Variants in RNF20 observed in about 807,000 individuals in gnomAD.
The protein encoded by RNF20 is E3 ubiquitin-protein ligase BRE1A.
RNF20 carries 84 observed loss-of-function variants against 126.2 expected under a neutral mutation model. That is an observed-to-expected ratio of 0.67 (90% CI 0.56 to 0.80). The LOEUF (loss-of-function observed/expected upper bound fraction) is 0.80, where lower values mean the gene tolerates loss of function less well. Among genes scored for constraint, RNF20 ranks in the 30% least tolerant of loss-of-function variants. RNF20 has a pLI of 0.00. For missense variants in RNF20, 869 were observed against 1,188.2 expected, an observed-to-expected ratio of 0.73 and a Z score of 3.95; for synonymous variants, 400 against 414.3, an observed-to-expected ratio of 0.97 and a Z score of 0.42.
intron 9 of RNF20, among the ~76,000 whole-genome samples, chr9:101,548,432 G>T (rs975193269): frequency 1.6e-4 from 25 of 152,148 alleles, no homozygotes; most frequent in African/African-American, 6.0e-4. Flanking sequence ...GCTGTATTGT[G>T]TACTTGAAAT....
intron 2 of RNF20, among the ~76,000 whole-genome samples, chr9:101,537,523 TG>T (rs146123852): frequency 0.05 from 7,633 of 152,258 alleles, 260 homozygotes; most frequent in South Asian, 0.089. Flanking sequence ...GCTGTATATT[TG>T]GGAATCGTCA....
At chr9:101,536,773 C>A (rs185554920) in intron 2 of RNF20, among the ~76,000 whole-genome samples, 19 of 152,158 alleles carry the variant, frequency 1.2e-4, no homozygotes, top group Non-Finnish European at 2.4e-4. Context: ...TAGCACACAC[C>A]CCAGTGTGGA....
At position 101,550,811 on chromosome 9, in the gene RNF20, A is replaced by G. The variant is rs777336253; in HGVS notation, c.1272+26A>G. On this transcript the variant is annotated intron_variant, in intron 10 of 19. Coordinates refer to ENST00000389120, the MANE Select transcript of RNF20 (RefSeq NM_019592.7). ...GTAATAGCCTTGCCTTGTCTTTTGT[A>G]TGTAAGCTTTCTTGCCTCCTAAATT... The G allele has an allele frequency of 7.5e-6, 12 of 1,608,030 alleles. No individual in the cohort carries two copies. In the South Asian group the frequency reaches 7.7e-5, roughly 10 times the overall value.
Position 101,551,706 on chromosome 9 carries a change from A to C in RNF20, c.1295A>C (p.Lys432Thr). 6.2e-7 allele frequency: 1 copy of C among 1,610,456 alleles called. No individual in the cohort carries two copies. ...LIERDEVSLH[K>T]KLRTEVIQLE... ...TAGCGAGATGAGGTTAGTCTTCATA[A>C]GAAGCTGAGGACTGAAGTAATTCAG... Residue 432 changes from lysine (K) to threonine (T), a missense_variant, in exon 11 of 20, where the codon AAG becomes ACG. Coordinates refer to ENST00000389120, the MANE Select transcript of RNF20 (RefSeq NM_019592.7).
chr9:101,556,804 C>CA (rs913709157), intron 15 of RNF20, among the ~76,000 whole-genome samples: 6 of 150,876 alleles, frequency 4.0e-5, no homozygotes, highest in South Asian at 4.2e-4. Flanking sequence ...TTATCTGATA[C>CA]AAAAAAAACT....
chr9:101,552,036 A>G lies in RNF20; in HGVS notation c.1409-105A>G, dbSNP rs1014964662. On this transcript the variant is annotated intron_variant, in intron 11 of 19. Transcript: ENST00000389120. The stretch of plus-strand genomic sequence containing the variant: ...TCTGAGAAGGAATCTTTTATTTGGT[A>G]ATTCTCCCTATTTCTCAGTGCCTCC... 6 of 1,444,288 alleles carry G rather than the reference A, an allele frequency of 4.2e-6. No individual in the cohort carries two copies. In the African/African-American group the frequency reaches 8.6e-5, roughly 21 times the overall value. 89.5% of individuals were successfully genotyped at this position (1,444,288 alleles called of 1,614,324 possible).
chr9:101,540,140 G>T, intron 2 of RNF20, 63 bp from the exon 3 acceptor site: 1 of 1,465,136 alleles, frequency 6.8e-7, no homozygotes. Flanking sequence ...TGACCTTGTT[G>T]AGTTTAACGG....
At position 101,540,525 on chromosome 9, in the gene RNF20, T is replaced by C. The variant is rs575349900; in HGVS notation, c.333T>C (p.Tyr111=). ...ACATCCGTATCATCCTTAAACGTTA[T>C]GATCTGGAGCAGGGCTTGGGAGACC... ...DENIRIILKR[Y]DLEQGLGDLL... The change falls in exon 4 of 20, where the codon TAT becomes TAC. Residue 111 remains tyrosine (Y), a synonymous_variant. Transcript: ENST00000389120. The C allele has an allele frequency of 2.5e-5, 40 of 1,614,072 alleles. No homozygotes were observed. Among genetic ancestry groups the C allele is most frequent in the East Asian group, 1.8e-4 (8 of 44,880 alleles).
Position 101,550,849 on chromosome 9 carries a change from T to C in RNF20, c.1272+64T>C, listed in dbSNP as rs565183212. 416 of 1,395,742 alleles carry C rather than the reference T, an allele frequency of 3.0e-4. 1 individual carries two copies. The South Asian group carries it at 4.5e-3, about 15-fold the overall frequency. The allele number at this position is 1,395,742 out of a possible 1,614,324, so 86.5% of individuals were successfully genotyped here. On this transcript the variant is annotated intron_variant, in intron 10 of 19. Coordinates refer to ENST00000389120, the MANE Select transcript of RNF20 (RefSeq NM_019592.7). The stretch of plus-strand genomic sequence containing the variant: ...TGCCTCCTAAATTTTACAATTTTAC[T>C]CCCTCATGTGCAATTAATCTCTCAT...
In RNF20 at chr9:101,557,393, G is replaced by A; in HGVS notation, c.2179G>A (p.Ala727Thr). The A allele has an allele frequency of 5.6e-6, 9 of 1,612,356 alleles. No homozygotes were observed. The highest frequency in any genetic ancestry group is 6.8e-6 in the Non-Finnish European group (8 of 1,178,528). Reference protein sequence around the residue: ...KLAMAKQEEEALLSEMDVTGQ... With the variant: ...KLAMAKQEEETLLSEMDVTGQ... Reference sequence around the variant, plus strand: ...TTCCTTCATCCTTTAGGAAGAAGAAGCACTCCTCTCTGAAATGGATGTCAC... The same window carrying A: ...TTCCTTCATCCTTTAGGAAGAAGAAACACTCCTCTCTGAAATGGATGTCAC... Residue 727 changes from alanine (A) to threonine (T), a missense_variant, in exon 16 of 20, where the codon GCA becomes ACA. Ala to Thr is a moderately conservative substitution (Grantham distance 58). This residue lies in a region of RNF20 where 30 missense variants were observed against 75.2 expected (regional missense o/e 0.40). Transcript: ENST00000389120.
chr9:101,562,371 G>A lies in RNF20; in HGVS notation c.2877G>A (p.Lys959=). The A allele has an allele frequency of 6.2e-7, 1 of 1,613,982 alleles. No individual in the cohort carries two copies. The highest frequency in any genetic ancestry group is 8.5e-7 in the Non-Finnish European group (1 of 1,179,940). The stretch of plus-strand genomic sequence containing the variant: ...ACACCCGCCAGCGCAAATGTCCCAA[G>A]TGTAATGCTGCTTTTGGTGCCAATG... The part of the protein sequence containing the change: ...RYDTRQRKCP[K]CNAAFGANDF... Residue 959 remains lysine (K), a synonymous_variant, in exon 20 of 20, where the codon AAG becomes AAA. Transcript: ENST00000389120.
intron 9 of RNF20, among the ~76,000 whole-genome samples, chr9:101,549,770 C>G (rs941502481): frequency 6.6e-6 from 1 of 152,196 alleles, no homozygotes; most frequent in African/African-American, 2.4e-5. Context: ...CTGGTCACTT[C>G]TCACTGTGTC....
At chr9:101,543,632 C>A (rs1827298651) in intron 5 of RNF20, among the ~76,000 whole-genome samples, 1 of 152,272 alleles carries the variant, frequency 6.6e-6, no homozygotes, top group African/African-American at 2.4e-5. Context: ...CCTGCCAGGG[C>A]AGTACTGTCT....
chr9:101,561,059 A>G (rs1184294960), intron 17 of RNF20, 31 bp from the exon 18 acceptor site: 8 of 1,610,808 alleles, frequency 5.0e-6, no homozygotes, highest in African/African-American at 1.3e-5. Flanking sequence ...AGGTGATACA[A>G]TGGTGTCACT....
intron 1 of RNF20, among the ~76,000 whole-genome samples, chr9:101,534,814 C>T (rs901178256): frequency 6.6e-6 from 1 of 151,984 alleles, no homozygotes; most frequent in Non-Finnish European, 1.5e-5. Context: ...TATTTTTGGT[C>T]TCTTCACCCT....
chr9:101,550,683 C>T lies in RNF20; in HGVS notation c.1170C>T (p.Val390=), dbSNP rs777440770. 6.2e-7 allele frequency: 1 copy of T among 1,614,092 alleles called. No homozygotes were observed. The highest frequency in any genetic ancestry group is 8.5e-7 in the Non-Finnish European group (1 of 1,179,952). Residue 390 remains valine, a synonymous_variant, in exon 10 of 20, where the codon GTC becomes GTT. Transcript: ENST00000389120. ...EYRCMQSQFS[V]LYNESLQLKA... ...GCTGCATGCAGTCACAGTTCTCCGT[C>T]TTGTATAATGAGAGCCTACAGTTGA...
rs1214293413 is a variant in RNF20 at position 101,552,436 on chromosome 9, C to T, written c.1584C>T (p.Asp528=). 1.2e-6 allele frequency: 2 copies of T among 1,611,296 alleles called. No individual in the cohort carries two copies. Among genetic ancestry groups the T allele is most frequent in the Admixed American group, 1.7e-5 (1 of 59,908 alleles). The part of the protein sequence containing the change: ...ALLQSQSSTE[D]PKDEPAELKP... ...TGCAGTCCCAGTCTAGTACTGAGGACCCGAAGGATGAGCCTGCGGAGCTAA... is the reference window on the plus strand; with the variant it reads ...TGCAGTCCCAGTCTAGTACTGAGGATCCGAAGGATGAGCCTGCGGAGCTAA... The change falls in exon 13 of 20, where the codon GAC becomes GAT. Residue 528 remains aspartate, a synonymous_variant. Transcript: ENST00000389120.
chr9:101,536,929 C>A (rs1827194546), intron 2 of RNF20, among the ~76,000 whole-genome samples: 1 of 152,196 alleles, frequency 6.6e-6, no homozygotes, highest in African/African-American at 2.4e-5. Context: ...TTCTTACTCT[C>A]TTTCGCTATA....
chr9:101,551,820 G>T lies in RNF20; in HGVS notation c.1408+1G>T. On this transcript the variant is annotated splice_donor_variant, in intron 11 of 19. Coordinates refer to ENST00000389120, the MANE Select transcript of RNF20 (RefSeq NM_019592.7). LOFTEE classifies it high-confidence loss of function. Reference sequence around the variant, plus strand: ...ACCCTTGCTGCCAATGAACAAGCAGGTATAATGATTCTCACTCCATGCTGT... The same window carrying T: ...ACCCTTGCTGCCAATGAACAAGCAGTTATAATGATTCTCACTCCATGCTGT... 1 of 1,603,430 alleles carries T rather than the reference G, an allele frequency of 6.2e-7. No individual in the cohort carries two copies.
Sources: allele counts gnomAD v4.1 joint callset (sites outside exome capture counted in the v4.1 genomes callset), GRCh38; gene constraint gnomAD v4.1.1; regional missense constraint gnomAD v4.1.1; transcripts MANE v1.5; gene names NCBI Gene and HGNC (gene_info 2026-07-23, HGNC 2026-07-21).